Variants in ADK observed in about 807,000 individuals in gnomAD.
The protein encoded by ADK is N6,N6-dimethyladenosine kinase.
Under a neutral mutation model 44.7 loss-of-function variants are expected in ADK, and 24 were observed. The ratio of observed to expected loss-of-function variants is 0.54; its 90% confidence interval spans 0.39 to 0.76. The LOEUF (loss-of-function observed/expected upper bound fraction) is 0.76. Among genes scored for constraint, ADK ranks in the 30% least tolerant of loss-of-function variants. The pLI, the probability that ADK is intolerant of heterozygous loss-of-function variation, is 0.00. For missense variants in ADK, 321 were observed against 425.1 expected, an observed-to-expected ratio of 0.76 and a Z score of 2.15; for synonymous variants, 128 against 142.6, an observed-to-expected ratio of 0.90 and a Z score of 0.73.
At chr10:74,390,174 T>G (rs866891286) in intron 4 of ADK, among the ~76,000 whole-genome samples, 15 of 152,100 alleles carry the variant, frequency 9.9e-5, no homozygotes, top group African/African-American at 3.6e-4. Flanking sequence ...AATTTATACT[T>G]TCACTAAATT....
At chr10:74,703,824 A>C (rs1194484886) in intron 10 of ADK, among the ~76,000 whole-genome samples, 1 of 152,210 alleles carries the variant, frequency 6.6e-6, no homozygotes, top group Non-Finnish European at 1.5e-5. Context: ...GACATTGTAA[A>C]TGTAACTTCC....
chr10:74,475,162 CA>C (rs1156485273), intron 6 of ADK, among the ~76,000 whole-genome samples: 5 of 151,652 alleles, frequency 3.3e-5, no homozygotes, highest in Middle Eastern at 6.8e-3. Context: ...AAAAACAAAA[CA>C]AAAAACCCTT....
chr10:74,209,617 A>G (rs77503801), intron 2 of ADK, among the ~76,000 whole-genome samples: 2 of 145,488 alleles, frequency 1.4e-5, no homozygotes, highest in East Asian at 2.0e-4. Context: ...TCTGATTCTG[A>G]TTTTTTTTTT....
chr10:74,308,409 T>C (rs1038495568), intron 3 of ADK, among the ~76,000 whole-genome samples: 1 of 152,198 alleles, frequency 6.6e-6, no homozygotes, highest in African/African-American at 2.4e-5. Context: ...AATAAACGCA[T>C]GTCGAAAATG....
At chr10:74,680,704 A>G (rs1377601577) in intron 10 of ADK, among the ~76,000 whole-genome samples, 2 of 152,260 alleles carry the variant, frequency 1.3e-5, no homozygotes, top group African/African-American at 4.8e-5. Context: ...GATAATTTAC[A>G]TAAAACATAA....
chr10:74,151,256 C>T lies in ADK; in HGVS notation c.-23C>T, dbSNP rs1342469523. The T allele has an allele frequency of 3.2e-6, 5 of 1,549,510 alleles. No homozygotes were observed. The highest frequency in any genetic ancestry group is 1.4e-5 in the African/African-American group (1 of 73,024). On this transcript the variant is annotated 5_prime_UTR_variant, in exon 1 of 11. Transcript: ENST00000539909. ...GGATGGCAGAGGTGGGCTGTAGAGC[C>T]AAAGTGGGGTGGGAGCGCGAAGATG...
Position 74,595,232 on chromosome 10 carries a change from A to G in ADK, c.763-5147A>G, listed in dbSNP as rs573612805. ...ACTTTTTCAAAGTCATATAGCTAAT[A>G]CATTATGTAGCCAGAACCAGAGCTC... On this transcript the variant is annotated intron_variant, in intron 8 of 10. Coordinates refer to ENST00000539909, the MANE Select transcript of ADK (RefSeq NM_006721.4). 1.1e-3 allele frequency among the ~76,000 whole-genome samples: 160 copies of G among 150,892 alleles called. 1 individual carries two copies. The highest frequency in any genetic ancestry group is 3.7e-3 in the African/African-American group (151 of 41,126).
chr10:74,484,764 CAG>C (rs1346686455), intron 6 of ADK, among the ~76,000 whole-genome samples: 2 of 152,148 alleles, frequency 1.3e-5, no homozygotes, highest in Non-Finnish European at 2.9e-5. Context: ...ACAGAGAGGA[CAG>C]AGACAGATGC....
intron 7 of ADK, among the ~76,000 whole-genome samples, chr10:74,544,671 T>C (rs2133744900): frequency 6.6e-6 from 1 of 152,086 alleles, no homozygotes; most frequent in Middle Eastern, 3.4e-3. Flanking sequence ...GGTCAGGAGA[T>C]CGAGACCATC....
At chr10:74,234,157 G>C (rs1844879116) in intron 3 of ADK, among the ~76,000 whole-genome samples, 2 of 152,170 alleles carry the variant, frequency 1.3e-5, no homozygotes, top group Non-Finnish European at 1.5e-5. Context: ...ATAGACTTGG[G>C]GGTCTTGAGT....
intron 4 of ADK, among the ~76,000 whole-genome samples, chr10:74,328,101 G>C (rs1360181001): frequency 6.6e-6 from 1 of 152,104 alleles, no homozygotes; most frequent in Non-Finnish European, 1.5e-5. Flanking sequence ...TAGAGACGGG[G>C]TTTCACCATG....
chr10:74,633,849 TA>T (rs999670717), intron 9 of ADK, among the ~76,000 whole-genome samples: 21 of 152,296 alleles, frequency 1.4e-4, no homozygotes, highest in Non-Finnish European at 2.6e-4. Context: ...GTAGCATGCC[TA>T]AAAGTTGGTA....
At chr10:74,331,301 T>TC (rs1024192547) in intron 4 of ADK, among the ~76,000 whole-genome samples, 5 of 152,148 alleles carry the variant, frequency 3.3e-5, no homozygotes, top group African/African-American at 7.2e-5. Context: ...GATTTTTTTT[T>TC]CTCACAAACA....
intron 7 of ADK, among the ~76,000 whole-genome samples, chr10:74,565,109 G>A (rs1850608201): frequency 6.6e-6 from 1 of 152,172 alleles, no homozygotes; most frequent in Non-Finnish European, 1.5e-5. Context: ...AGAAAAAAGG[G>A]ATATAGTTTC....
intron 4 of ADK, among the ~76,000 whole-genome samples, chr10:74,368,332 T>C (rs1190257646): frequency 1.3e-5 from 2 of 152,098 alleles, no homozygotes; most frequent in Non-Finnish European, 1.5e-5. Flanking sequence ...TGGTCTTGAA[T>C]TTCTGGGCTC....
At chr10:74,247,208 ATTTTTTTTTTTTTAAGTT>A (rs1845448970) in intron 3 of ADK, among the ~76,000 whole-genome samples, 2 of 59,350 alleles carry the variant, frequency 3.4e-5, no homozygotes, top group African/African-American at 1.1e-4. Context: ...GCTTTTTTTG[ATTTTTTTTTTTTTAAGTT>A]TTTTTTTTTT....
chr10:74,605,276 C>A (rs563446598), intron 9 of ADK, among the ~76,000 whole-genome samples: 5 of 152,264 alleles, frequency 3.3e-5, no homozygotes, highest in Admixed American at 3.3e-4. Context: ...ACTTCCAATA[C>A]CATGTTGAAT....
intron 10 of ADK, among the ~76,000 whole-genome samples, chr10:74,692,734 T>C (rs559170359): frequency 2.6e-5 from 4 of 152,332 alleles, no homozygotes; most frequent in African/African-American, 7.2e-5. Flanking sequence ...GATACATAGG[T>C]ACTTAACATT....
At position 74,371,802 on chromosome 10, in the gene ADK, T is replaced by A. The variant is rs377332054; in HGVS notation, c.274-22339T>A. The A allele has an allele frequency of 1.2e-5, 15 of 1,278,000 alleles. No individual in the cohort carries two copies. In the East Asian group the frequency reaches 3.2e-4, roughly 28 times the overall value. The allele number at this position is 1,278,000 out of a possible 1,614,324, so 79.2% of individuals were successfully genotyped here. A position where few individuals can be genotyped will look rare whatever the true frequency, so the allele number is the denominator to read the frequency against. On this transcript the variant is annotated intron_variant, in intron 4 of 10. Coordinates refer to ENST00000539909, the MANE Select transcript of ADK (RefSeq NM_006721.4). ...TATTGGCCAAAGGGCTGTGCTGAAG[T>A]TTGCTGCTGCCACTGGAGCCACTCC...
Sources: gnomAD v4.1 joint callset for allele counts (sites outside exome capture counted in the v4.1 genomes callset) on GRCh38, gnomAD v4.1.1 for gene constraint, MANE v1.5 for transcripts, NCBI Gene and HGNC (gene_info 2026-07-23, HGNC 2026-07-21) for gene names.